The following RHOBTB1 variants were observed in gnomAD, a reference collection of about 807,000 sequenced individuals.
RHOBTB1 encodes Rho related BTB domain containing 1.
In RHOBTB1, 40 loss-of-function variants were observed where a neutral mutation model predicts 71.6. That is an observed-to-expected ratio of 0.56 (90% CI 0.43 to 0.73). The LOEUF (loss-of-function observed/expected upper bound fraction) is 0.73, where lower values mean the gene tolerates loss of function less well. Among genes scored for constraint, RHOBTB1 ranks in the 30% least tolerant of loss-of-function variants. RHOBTB1 has a pLI of 0.00. For missense variants in RHOBTB1, 797 were observed against 894.0 expected (o/e 0.89, Z 1.38); for synonymous variants, 319 against 334.9 (o/e 0.95, Z 0.52).
chr10:60,862,398 A>T, the RHOBTB1 span, among the ~76,000 whole-genome samples: 1 of 151,944 alleles, frequency 6.6e-6, no homozygotes, highest in African/African-American at 2.4e-5. Context: ...GCGTTTCACC[A>T]TGTTGGCCAG....
At chr10:60,976,667 TA>T (rs1050948811) in intron 2 of RHOBTB1, among the ~76,000 whole-genome samples, 1 of 152,020 alleles carries the variant, frequency 6.6e-6, no homozygotes, top group Non-Finnish European at 1.5e-5. Context: ...CATTTAAAAA[TA>T]TTACCTCATA....
Position 60,881,758 on chromosome 10 carries a change from A to G in RHOBTB1, c.1576-3700T>C, listed in dbSNP as rs375615429. On this transcript the variant is annotated intron_variant, in intron 7 of 10. Coordinates refer to ENST00000337910, the MANE Select transcript of RHOBTB1 (RefSeq NM_014836.5). ...CTAAGTCATTGCTTAAAGAAGAAAT[A>G]GCAAAATGAACATCCTAAATAAAAA... Among the ~76,000 whole-genome samples, 16 of 152,324 alleles carry G rather than the reference A, an allele frequency of 1.1e-4. No homozygotes were observed. The South Asian group carries it at 3.3e-3, about 32-fold the overall frequency.
chr10:60,996,610 C>T (rs1271941450), intron 1 of RHOBTB1, among the ~76,000 whole-genome samples: 2 of 152,118 alleles, frequency 1.3e-5, no homozygotes, highest in African/African-American at 2.4e-5. Context: ...TTGGAATGTG[C>T]CATGGGGGCA....
intron 10 of RHOBTB1, 56 bp downstream of exon 10, chr10:60,872,129 A>G: frequency 7.8e-7 from 1 of 1,283,312 alleles, no homozygotes; most frequent in Admixed American, 1.7e-5. Flanking sequence ...TAGAAGATAA[A>G]AGCTTCCATG....
intron 2 of RHOBTB1, among the ~76,000 whole-genome samples, chr10:60,940,899 A>T (rs1362487038): frequency 2.6e-5 from 4 of 152,162 alleles, no homozygotes; most frequent in African/African-American, 9.7e-5. Flanking sequence ...TTTATTCTCT[A>T]TTGTTGCATA....
upstream of RHOBTB1, chr10:61,001,563 C>G (rs2087277112): frequency 6.6e-6 from 1 of 151,604 alleles, no homozygotes; most frequent in Admixed American, 6.6e-5. Context: ...GGGCCACAGT[C>G]CCCGTTCCGC....
chr10:60,863,933 C>CGTATG, the RHOBTB1 span, among the ~76,000 whole-genome samples: 5,480 of 152,252 alleles, frequency 0.036, 315 homozygotes, highest in African/African-American at 0.12. Flanking sequence ...CAGGACTCCT[C>CGTATG]GTATGCTGCT....
chr10:60,872,184 C>T lies in RHOBTB1; in HGVS notation c.1921+1G>A. ...TGAATGGGGGCCTCACACAGTCTCA[C>T]CTGCAGATTTTGATTTGATTTCCTT... is the stretch of plus-strand genomic sequence containing the variant. On this transcript the variant is annotated splice_donor_variant, in intron 10 of 10. Coordinates refer to ENST00000337910, the MANE Select transcript of RHOBTB1 (RefSeq NM_014836.5). LOFTEE classifies it high-confidence loss of function. The T allele has an allele frequency of 6.2e-7, 1 of 1,608,246 alleles. No individual in the cohort carries two copies. Among genetic ancestry groups the T allele is most frequent in the Non-Finnish European group, 8.5e-7 (1 of 1,174,654 alleles).
intron 7 of RHOBTB1, among the ~76,000 whole-genome samples, chr10:60,883,190 G>A (rs1189835367): frequency 6.6e-6 from 1 of 152,116 alleles, no homozygotes; most frequent in Non-Finnish European, 1.5e-5. Context: ...TTGGTTCCGT[G>A]GTCTTTGTCT....
intron 4 of RHOBTB1, among the ~76,000 whole-genome samples, chr10:60,897,524 T>C (rs1257783943): frequency 6.6e-6 from 1 of 152,152 alleles, no homozygotes; most frequent in Non-Finnish European, 1.5e-5. Context: ...TATCTTTTTA[T>C]CTAGAAGCTT....
intron 1 of RHOBTB1, among the ~76,000 whole-genome samples, chr10:61,000,486 A>G (rs1025275921): frequency 2.0e-5 from 3 of 152,220 alleles, no homozygotes; most frequent in African/African-American, 7.2e-5. Flanking sequence ...AAAAAGGCAC[A>G]TAAAGAAGCA....
chr10:60,997,634 A>G (rs1015300528), intron 1 of RHOBTB1, among the ~76,000 whole-genome samples: 1 of 152,186 alleles, frequency 6.6e-6, no homozygotes, highest in East Asian at 1.9e-4. Flanking sequence ...TAAATTTTCT[A>G]TTTGGACTGT....
At chr10:60,994,859 A>G (rs1325583585) in intron 1 of RHOBTB1, among the ~76,000 whole-genome samples, 1 of 152,060 alleles carries the variant, frequency 6.6e-6, no homozygotes, top group Admixed American at 6.6e-5. Flanking sequence ...ATGCACAAGA[A>G]ACCCAAAGCT....
At chr10:60,930,775 C>T (rs1356562259) in intron 2 of RHOBTB1, among the ~76,000 whole-genome samples, 2 of 152,164 alleles carry the variant, frequency 1.3e-5, no homozygotes, top group African/African-American at 2.4e-5. Flanking sequence ...CTTTCTGCCT[C>T]TCAGGACCTG....
At chr10:60,889,645 ACTT>A (rs1389538928) in intron 5 of RHOBTB1, among the ~76,000 whole-genome samples, 1 of 152,040 alleles carries the variant, frequency 6.6e-6, no homozygotes, top group Admixed American at 6.5e-5. Context: ...AGAGTGTTTT[ACTT>A]CTTTAAAAAA....
chr10:60,976,138 G>T (rs2086306424), intron 2 of RHOBTB1, among the ~76,000 whole-genome samples: 1 of 151,890 alleles, frequency 6.6e-6, no homozygotes, highest in Non-Finnish European at 1.5e-5. Context: ...AAAAGTCTTG[G>T]ACTAGGAAAA....
chr10:60,879,552 C>T (rs561418419), intron 7 of RHOBTB1, among the ~76,000 whole-genome samples: 29 of 151,860 alleles, frequency 1.9e-4, no homozygotes, highest in African/African-American at 6.5e-4. Context: ...GCTATGCTGC[C>T]TAGGCTGGTC....
intron 2 of RHOBTB1, among the ~76,000 whole-genome samples, chr10:60,976,978 T>C (rs1295407685): frequency 1.3e-5 from 2 of 152,026 alleles, no homozygotes; most frequent in Admixed American, 1.3e-4. Context: ...CAGGGACTCC[T>C]TGCAATAAAT....
chr10:60,886,211 G>A lies in RHOBTB1; in HGVS notation c.1476C>T (p.Asp492=), dbSNP rs781065977. 53 of 1,613,878 alleles carry A rather than the reference G, an allele frequency of 3.3e-5. No individual in the cohort carries two copies. The highest frequency in any genetic ancestry group is 7.7e-5 in the South Asian group (7 of 91,068). ...GTFSDVTFKL[D]DGAISAHKPL... ...GCTTGTGGGCACTGATGGCTCCATC[G>A]TCCAATTTAAATGTCACGTCTGCCA... Residue 492 remains aspartate, a synonymous_variant, in exon 7 of 11, where the codon GAC becomes GAT. Coordinates refer to ENST00000337910, the MANE Select transcript of RHOBTB1 (RefSeq NM_014836.5).
Sources: allele counts gnomAD v4.1 joint callset (sites outside exome capture counted in the v4.1 genomes callset), GRCh38; gene constraint gnomAD v4.1.1; transcripts MANE v1.5; gene names NCBI Gene and HGNC (gene_info 2026-07-23, HGNC 2026-07-21).